The following CDH6 variants were observed in gnomAD, a reference collection of about 807,000 sequenced individuals.
CDH6 encodes cadherin-6.
In CDH6, 31 loss-of-function variants were observed where a neutral mutation model predicts 78.0. The ratio of observed to expected loss-of-function variants is 0.40; its 90% CI spans 0.30 to 0.54. The LOEUF (loss-of-function observed/expected upper bound fraction) is 0.54. Among genes scored for constraint, CDH6 ranks in the 20% least tolerant of loss-of-function variants. The probability of loss-of-function intolerance (pLI) is 0.56; values close to 1 mark genes in which losing one functional copy is unlikely to be tolerated. For synonymous variants in CDH6, 376 were observed against 368.8 expected (o/e 1.02, Z -0.23); for missense variants, 724 against 975.9 (o/e 0.74, Z 3.44).
At chr5:31,258,388 C>T (rs1354167465) in intron 1 of CDH6, among the ~76,000 whole-genome samples, 1 of 152,080 alleles carries the variant, frequency 6.6e-6, no homozygotes, top group African/African-American at 2.4e-5. Context: ...AACACAAGAA[C>T]AGAAAACCAA....
intron 3 of CDH6, among the ~76,000 whole-genome samples, chr5:31,296,850 A>G (rs1481263066): frequency 6.6e-6 from 1 of 152,170 alleles, no homozygotes; most frequent in Non-Finnish European, 1.5e-5. Context: ...GTATATCAGC[A>G]CATTACGGTC....
intron 1 of CDH6, among the ~76,000 whole-genome samples, chr5:31,259,064 C>T (rs756580353): frequency 2.0e-5 from 3 of 152,194 alleles, no homozygotes; most frequent in Non-Finnish European, 2.9e-5. Context: ...CGAGAATTCA[C>T]GAAAGCACCT....
chr5:31,328,054 G>A lies in CDH6; in HGVS notation c.*4746G>A, dbSNP rs1004094310. On this transcript the variant is annotated 3_prime_UTR_variant, in exon 12 of 12. Coordinates refer to ENST00000265071, the MANE Select transcript of CDH6 (RefSeq NM_004932.4). ...AGCCGGCAGATGAAAGTGTTGAAAA[G>A]AGGTCAAATGGAAACAAAGGCTCTT... is the stretch of plus-strand genomic sequence containing the variant. 10 of 216,402 alleles carry A rather than the reference G, an allele frequency of 4.6e-5. No individual in the cohort carries two copies. Among genetic ancestry groups the A allele is most frequent in the African/African-American group, 2.0e-4 (9 of 44,472 alleles). 13.4% of individuals were successfully genotyped at this position (216,402 alleles called of 1,614,324 possible). A position where few individuals can be genotyped will look rare whatever the true frequency, so the allele number is the denominator to read the frequency against.
At chr5:31,216,301 G>A (rs1048414977) in intron 1 of CDH6, among the ~76,000 whole-genome samples, 2 of 152,118 alleles carry the variant, frequency 1.3e-5, no homozygotes, top group African/African-American at 4.8e-5. Context: ...ACAGGGGACA[G>A]CAATCTATGG....
intron 1 of CDH6, among the ~76,000 whole-genome samples, chr5:31,238,107 C>T (rs1478888573): frequency 6.6e-6 from 1 of 152,124 alleles, no homozygotes; most frequent in Non-Finnish European, 1.5e-5. Context: ...AATCTTTGTT[C>T]AGATATTCTT....
chr5:31,224,189 C>T (rs1741080765), intron 1 of CDH6, among the ~76,000 whole-genome samples: 1 of 152,196 alleles, frequency 6.6e-6, no homozygotes, highest in Non-Finnish European at 1.5e-5. Context: ...CAAGTCACAT[C>T]TCACATGGAT....
chr5:31,289,332 G>T (rs1441507957), intron 2 of CDH6, among the ~76,000 whole-genome samples: 1 of 152,062 alleles, frequency 6.6e-6, no homozygotes, highest in African/African-American at 2.4e-5. Context: ...TAGTATTCTG[G>T]GGTGTATATG....
intron 7 of CDH6, among the ~76,000 whole-genome samples, chr5:31,307,691 T>C (rs1281930770): frequency 6.6e-6 from 1 of 152,242 alleles, no homozygotes; most frequent in Admixed American, 6.5e-5. Flanking sequence ...AGCAAGTAAG[T>C]ATCAAATTCA....
At chr5:31,293,725 C>T (rs1737485264) in intron 2 of CDH6, among the ~76,000 whole-genome samples, 1 of 151,784 alleles carries the variant, frequency 6.6e-6, no homozygotes, top group Non-Finnish European at 1.5e-5. Context: ...ATAAAGATTA[C>T]TAAATTTTCT....
chr5:31,278,520 G>A (rs1742764298), intron 2 of CDH6, among the ~76,000 whole-genome samples: 2 of 152,136 alleles, frequency 1.3e-5, no homozygotes, highest in South Asian at 4.1e-4. Context: ...GAAACAAAAT[G>A]AGAAAAAGGC....
At chr5:31,305,069 C>A in intron 6 of CDH6, 105 bp from the exon 7 acceptor site, 1 of 1,090,554 alleles carries the variant, frequency 9.2e-7, no homozygotes, top group Non-Finnish European at 1.3e-6. Context: ...GCAATATGAT[C>A]GCATTCATTT....
At chr5:31,318,799 C>G in intron 11 of CDH6, 1 of 225,070 alleles carries the variant, frequency 4.4e-6, no homozygotes, top group East Asian at 6.4e-5. Flanking sequence ...GGGAAATACT[C>G]TTTTTTAAAA....
At chr5:31,295,274 C>G (rs545574552) in intron 3 of CDH6, among the ~76,000 whole-genome samples, 26 of 152,218 alleles carry the variant, frequency 1.7e-4, no homozygotes, top group African/African-American at 6.3e-4. Context: ...TCTTCTTCTT[C>G]TTCTTCACTG....
In CDH6 at chr5:31,323,077, T is replaced by C. The variant is rs1264642351; in HGVS notation, c.2142T>C (p.Asp714=). Residue 714 remains aspartate (D), a synonymous_variant, in exon 12 of 12, where the codon GAT becomes GAC. Coordinates refer to ENST00000265071, the MANE Select transcript of CDH6 (RefSeq NM_004932.4). ...CTCGCGACAACACCGATGTCAGAGATTTCATTAACCAAAGGTTAAAGGAAA... is the reference window on the plus strand; with the variant it reads ...CTCGCGACAACACCGATGTCAGAGACTTCATTAACCAAAGGTTAAAGGAAA... The part of the protein sequence containing the change: ...PTARDNTDVR[D]FINQRLKEND... 6.2e-7 allele frequency: 1 copy of C among 1,614,140 alleles called. No homozygotes were observed.
At position 31,284,575 on chromosome 5, in the gene CDH6, A is replaced by G. The variant is rs1742963834; in HGVS notation, c.229-9387A>G. ...GAACAAGAAGGGGGTGGATTGATCC[A>G]ATAGATGGTCCAGTAGAAGGACAAA... On this transcript the variant is annotated intron_variant, in intron 2 of 11. Transcript: ENST00000265071. Among the ~76,000 whole-genome samples the G allele has an allele frequency of 2.6e-5, 4 of 152,220 alleles. No homozygotes were observed. In the South Asian group the frequency reaches 8.3e-4, roughly 32 times the overall value.
rs1298540016 is a variant in CDH6 at position 31,317,700 on chromosome 5, A to G, written c.1658A>G (p.Lys553Arg). 2.5e-6 allele frequency: 4 copies of G among 1,610,860 alleles called. No individual in the cohort carries two copies. The East Asian group carries it at 6.7e-5, about 27-fold the overall frequency. ...KDNTAGILTRKNGYNRHEMST... is the reference protein window; with the variant it reads ...KDNTAGILTRRNGYNRHEMST... ...AACACGGCGGGAATCTTAACTCGGAAAAATGGCTATAATAGACACGAGATG... is the reference window on the plus strand; with the variant it reads ...AACACGGCGGGAATCTTAACTCGGAGAAATGGCTATAATAGACACGAGATG... The change falls in exon 11 of 12, where the codon AAA becomes AGA. Residue 553 changes from lysine (K) to arginine (R), a missense_variant. Lys to Arg is a conservative substitution (Grantham distance 26). Coordinates refer to ENST00000265071, the MANE Select transcript of CDH6 (RefSeq NM_004932.4).
At chr5:31,244,853 G>A (rs889031628) in intron 1 of CDH6, among the ~76,000 whole-genome samples, 9 of 152,112 alleles carry the variant, frequency 5.9e-5, no homozygotes, top group Admixed American at 2.0e-4. Flanking sequence ...AGAGTTAGAC[G>A]ACCTCTGAGG....
At chr5:31,250,481 A>G (rs6884544) in intron 1 of CDH6, 73,928 of 152,280 alleles carry the variant, frequency 0.49, 18,329 homozygotes, top group Non-Finnish European at 0.53. Flanking sequence ...GTCACATGTC[A>G]ACAGGCCCAG....
intron 11 of CDH6, among the ~76,000 whole-genome samples, chr5:31,322,438 T>G (rs1453785800): frequency 6.6e-6 from 1 of 152,148 alleles, no homozygotes; most frequent in East Asian, 1.9e-4. Context: ...TGTAACCAGT[T>G]TCAGAGCATT....
Sources: gnomAD v4.1 joint callset for allele counts (sites outside exome capture counted in the v4.1 genomes callset) on GRCh38, gnomAD v4.1.1 for gene constraint, MANE v1.5 for transcripts, NCBI Gene and HGNC (gene_info 2026-07-23, HGNC 2026-07-21) for gene names.